The following ELK3 variants were observed in gnomAD, a reference collection of about 807,000 sequenced individuals.
ELK3 encodes ETS domain-containing protein Elk-3.
A neutral mutation model predicts 28.9 loss-of-function variants in ELK3; 10 were observed. The ratio of observed to expected loss-of-function variants is 0.35; its 90% CI spans 0.21 to 0.59. ELK3 has a LOEUF of 0.59. ELK3 is among the 20% of genes least tolerant of loss of function. The pLI is 0.82. For missense variants in ELK3, 463 were observed against 517.3 expected (o/e 0.90, Z 1.02); for synonymous variants, 272 against 243.5 (o/e 1.12, Z -1.09).
At chr12:96,207,413 C>T (rs894005077) in intron 1 of ELK3, among the ~76,000 whole-genome samples, 4 of 152,194 alleles carry the variant, frequency 2.6e-5, no homozygotes, top group African/African-American at 9.7e-5. Context: ...CACACATGTC[C>T]ACCACATGAG....
At chr12:96,257,023 C>T (rs1319350488) in intron 3 of ELK3, among the ~76,000 whole-genome samples, 1 of 152,228 alleles carries the variant, frequency 6.6e-6, no homozygotes, top group Non-Finnish European at 1.5e-5. Flanking sequence ...TCTCCTTTCC[C>T]AGCAGCCGTG....
chr12:96,266,491 C>G (rs563008344), intron 4 of ELK3, among the ~76,000 whole-genome samples: 1 of 152,086 alleles, frequency 6.6e-6, no homozygotes, highest in East Asian at 1.9e-4. Context: ...ATACAGAAAT[C>G]TTATTCTTTG....
chr12:96,266,556 A>C (rs1048375154), intron 4 of ELK3, among the ~76,000 whole-genome samples: 1 of 152,026 alleles, frequency 6.6e-6, no homozygotes, highest in Non-Finnish European at 1.5e-5. Flanking sequence ...TTAGCTCCAA[A>C]ATAATCTATT....
intron 2 of ELK3, among the ~76,000 whole-genome samples, chr12:96,226,540 ACAG>A (rs1482175326): frequency 6.6e-6 from 1 of 150,546 alleles, no homozygotes; most frequent in African/African-American, 2.4e-5. Context: ...ACATGTCCAC[ACAG>A]ATGTCCACAT....
At chr12:96,201,687 T>C (rs1439416766) in intron 1 of ELK3, among the ~76,000 whole-genome samples, 2 of 152,070 alleles carry the variant, frequency 1.3e-5, no homozygotes, top group African/African-American at 4.8e-5. Flanking sequence ...GGAAAGGTCT[T>C]GACTCCTAAG....
chr12:96,204,124 A>G (rs2137000957), intron 1 of ELK3, among the ~76,000 whole-genome samples: 1 of 152,306 alleles, frequency 6.6e-6, no homozygotes, highest in Non-Finnish European at 1.5e-5. Context: ...GTTAACAGTA[A>G]AGTTATTCGT....
At chr12:96,242,537 A>T (rs1416501367) in intron 2 of ELK3, among the ~76,000 whole-genome samples, 1 of 152,204 alleles carries the variant, frequency 6.6e-6, no homozygotes, top group Non-Finnish European at 1.5e-5. Flanking sequence ...GAAGCCACAG[A>T]GAGATCTTCA....
chr12:96,226,561 C>T (rs1348168455), intron 2 of ELK3, among the ~76,000 whole-genome samples: 1 of 151,934 alleles, frequency 6.6e-6, no homozygotes, highest in Non-Finnish European at 1.5e-5. Context: ...CATGTGCACA[C>T]CCATGCCCAC....
intron 1 of ELK3, among the ~76,000 whole-genome samples, chr12:96,219,990 G>A (rs531238241): frequency 5.3e-5 from 8 of 152,252 alleles, no homozygotes; most frequent in East Asian, 1.9e-4. Context: ...CACCTCCGCC[G>A]GAGCAGTGTT....
intron 2 of ELK3, among the ~76,000 whole-genome samples, chr12:96,235,195 C>A (rs888859032): frequency 1.6e-4 from 24 of 148,576 alleles, no homozygotes; most frequent in Non-Finnish European, 3.0e-4. Context: ...CTTCCCTGCA[C>A]CCCCACAGCC....
rs2137040781 is a variant in ELK3 at position 96,257,745 on chromosome 12, C to T, written c.1003-1986C>T. On this transcript the variant is annotated intron_variant, in intron 3 of 4. Coordinates refer to ENST00000228741, the MANE Select transcript of ELK3 (RefSeq NM_005230.4). ...TTTTCAGAACACCTGAGCTTGTGGC[C>T]TTGAGCCTAACACAACTGACAGTAG... 2.6e-5 allele frequency among the ~76,000 whole-genome samples: 4 copies of T among 152,332 alleles called. No individual in the cohort carries two copies. In the South Asian group the frequency reaches 8.3e-4, roughly 32 times the overall value.
intron 1 of ELK3, among the ~76,000 whole-genome samples, chr12:96,216,686 A>G (rs1592674179): frequency 6.6e-6 from 1 of 152,238 alleles, no homozygotes; most frequent in East Asian, 1.9e-4. Flanking sequence ...TAACATTTAA[A>G]TAGCACTTAC....
At chr12:96,244,319 C>T (rs1951841833) in intron 2 of ELK3, among the ~76,000 whole-genome samples, 1 of 152,138 alleles carries the variant, frequency 6.6e-6, no homozygotes. Context: ...CCTTTCAGTT[C>T]CCAACCATTT....
At chr12:96,229,416 C>T (rs941641966) in intron 2 of ELK3, among the ~76,000 whole-genome samples, 5 of 152,236 alleles carry the variant, frequency 3.3e-5, no homozygotes, top group South Asian at 2.1e-4. Flanking sequence ...TCCCCAGCCC[C>T]GGGCTTGCCA....
At chr12:96,205,937 C>A (rs1191407751) in intron 1 of ELK3, among the ~76,000 whole-genome samples, 5 of 152,170 alleles carry the variant, frequency 3.3e-5, no homozygotes, top group Non-Finnish European at 5.9e-5. Flanking sequence ...ATGAAGTAAT[C>A]TGAAGAGTGT....
intron 2 of ELK3, among the ~76,000 whole-genome samples, chr12:96,234,929 C>A (rs78638698): frequency 0.023 from 3,549 of 152,292 alleles, 56 homozygotes; most frequent in Middle Eastern, 0.054. Flanking sequence ...ATGATTACCC[C>A]AAGGGCAGCC....
At chr12:96,216,399 T>G (rs1385125385) in intron 1 of ELK3, among the ~76,000 whole-genome samples, 1 of 152,240 alleles carries the variant, frequency 6.6e-6, no homozygotes. Context: ...CCCTAGCATC[T>G]GAGTTTTCTG....
chr12:96,202,559 G>T (rs1326159243), intron 1 of ELK3, among the ~76,000 whole-genome samples: 1 of 126,980 alleles, frequency 7.9e-6, no homozygotes, highest in African/African-American at 3.1e-5. Context: ...TGGAGTCTTA[G>T]CCTGTTGCCC....
Position 96,247,933 on chromosome 12 carries a change from G to A in ELK3, c.1002+199G>A, listed in dbSNP as rs193023480. ...CACATGAGACAGGGTTTGGTTTGTC[G>A]ACTCTAGTGGGATGCTTGATTGGTT... On this transcript the variant is annotated intron_variant, in intron 3 of 4. Transcript: ENST00000228741. The surrounding 1 kb of genome is among the most constrained non-coding windows in gnomAD (Gnocchi z 5.5). Among the ~76,000 whole-genome samples, 5 of 152,312 alleles carry A rather than the reference G, an allele frequency of 3.3e-5. No individual in the cohort carries two copies. The highest frequency in any genetic ancestry group is 1.9e-4 in the East Asian group (1 of 5,176).
Sources: gnomAD v4.1 joint callset for allele counts (sites outside exome capture counted in the v4.1 genomes callset) on GRCh38, gnomAD v4.1.1 for gene constraint, Gnocchi (gnomAD v3.1) non-coding constraint, MANE v1.5 for transcripts, NCBI Gene and HGNC (gene_info 2026-07-23, HGNC 2026-07-21) for gene names.